Variants in BMP7 observed in about 807,000 individuals in gnomAD.
BMP7 encodes osteogenic protein 1.
BMP7 carries 12 observed loss-of-function variants against 41.2 expected under a neutral mutation model. That is an observed-to-expected ratio of 0.29 (90% confidence interval 0.19 to 0.47). The LOEUF is 0.47. Ranked by LOEUF, BMP7 falls within the 20% of genes least tolerant of loss-of-function variation. The pLI is 0.99. For missense variants in BMP7, 467 were observed against 606.0 expected, an observed-to-expected ratio of 0.77 and a Z score of 2.41; for synonymous variants, 248 against 250.0, an observed-to-expected ratio of 0.99 and a Z score of 0.07.
Position 57,233,926 on chromosome 20 carries a change from A to G in BMP7, c.419-5505T>C, listed in dbSNP as rs564924467. ...GCACAAAACTAAACGAACACAATAC[A>G]TTGTTACAAACACGAGAAAACAGAT... is the stretch of plus-strand genomic sequence containing the variant. On this transcript the variant is annotated intron_variant, in intron 1 of 6. Transcript: ENST00000395863. Among the ~76,000 whole-genome samples the G allele has an allele frequency of 2.6e-5, 4 of 152,338 alleles. No individual in the cohort carries two copies. In the South Asian group the frequency reaches 8.3e-4, roughly 32 times the overall value.
chr20:57,251,317 C>T (rs2066112613), intron 1 of BMP7, among the ~76,000 whole-genome samples: 1 of 152,126 alleles, frequency 6.6e-6, no homozygotes, highest in Non-Finnish European at 1.5e-5. Context: ...GGGGGCAGAG[C>T]GGTGGGGGCT....
In BMP7 at chr20:57,174,619, A is replaced by G. The variant is rs924527618; in HGVS notation, c.1035+312T>C. Among the ~76,000 whole-genome samples the G allele has an allele frequency of 1.3e-5, 2 of 152,150 alleles. No individual in the cohort carries two copies. On this transcript the variant is annotated intron_variant, in intron 5 of 6. Coordinates refer to ENST00000395863, the MANE Select transcript of BMP7 (RefSeq NM_001719.3). This position sits in a 1 kb window ranked among gnomAD's most constrained non-coding sequence, Gnocchi z 4.3. ...GATGGCTCCCCAGGTATCTACATTCAAACACACGGCCCGGCATCATCTTGA... is the reference window on the plus strand; with the variant it reads ...GATGGCTCCCCAGGTATCTACATTCGAACACACGGCCCGGCATCATCTTGA...
chr20:57,263,610 G>A (rs1216890920), intron 1 of BMP7, among the ~76,000 whole-genome samples: 4 of 152,150 alleles, frequency 2.6e-5, no homozygotes, highest in African/African-American at 9.7e-5. Context: ...GGCTCTGAAG[G>A]CAGCCACTGG....
Position 57,170,856 on chromosome 20 carries a change from G to A in BMP7, c.*103C>T. Reference sequence around the variant, plus strand: ...ACCTTTAAAGTTGGGGATAGGGAGGGGAAGGTCTCACAAAAGGCAGTTGGT... The same window carrying A: ...ACCTTTAAAGTTGGGGATAGGGAGGAGAAGGTCTCACAAAAGGCAGTTGGT... On this transcript the variant is annotated 3_prime_UTR_variant, in exon 7 of 7. Coordinates refer to ENST00000395863, the MANE Select transcript of BMP7 (RefSeq NM_001719.3). 7.0e-7 allele frequency: 1 copy of A among 1,429,706 alleles called. No individual in the cohort carries two copies. Among genetic ancestry groups the A allele is most frequent in the Non-Finnish European group, 9.6e-7 (1 of 1,037,906 alleles). 88.6% of individuals were successfully genotyped at this position (1,429,706 alleles called of 1,614,324 possible). A position where few individuals can be genotyped will look rare whatever the true frequency, so the allele number is the denominator to read the frequency against.
chr20:57,222,496 C>T (rs1239283172), intron 2 of BMP7, among the ~76,000 whole-genome samples: 2 of 151,942 alleles, frequency 1.3e-5, no homozygotes, highest in Non-Finnish European at 2.9e-5. Context: ...GGACCCCAAG[C>T]GGAACCAAAG....
intron 1 of BMP7, among the ~76,000 whole-genome samples, chr20:57,241,528 G>T (rs1243767934): frequency 1.3e-5 from 2 of 152,178 alleles, no homozygotes; most frequent in Admixed American, 1.3e-4. Context: ...TTCCTGAACT[G>T]CTTCAACTCT....
rs370740034 is a variant in BMP7, at chr20:57,191,276, C to T, written c.761-7357G>A. Among the ~76,000 whole-genome samples the T allele has an allele frequency of 1.2e-3, 186 of 152,232 alleles. 1 individual carries two copies. In the South Asian group the frequency reaches 0.03, roughly 24 times the overall value. ...CCTCGGGTACTGAGCCCAGCACTACCGTGTGCTCTGGGGTGCTCCAGAGGC... is the reference window on the plus strand; with the variant it reads ...CCTCGGGTACTGAGCCCAGCACTACTGTGTGCTCTGGGGTGCTCCAGAGGC... On this transcript the variant is annotated intron_variant, in intron 3 of 6. Transcript: ENST00000395863.
chr20:57,189,651 C>T lies in BMP7; in HGVS notation c.761-5732G>A, dbSNP rs78528568. On this transcript the variant is annotated intron_variant, in intron 3 of 6. Coordinates refer to ENST00000395863, the MANE Select transcript of BMP7 (RefSeq NM_001719.3). ...CACACACTGACCTTCTCCCTGGTGG[C>T]CACAGAGGAGCTTCCCATCTGGAAA... 7.1e-3 allele frequency among the ~76,000 whole-genome samples: 1,085 copies of T among 152,356 alleles called. 19 individuals carry two copies. The highest frequency in any genetic ancestry group is 0.025 in the African/African-American group (1,027 of 41,584).
At chr20:57,225,554 C>T (rs2066002509) in intron 2 of BMP7, among the ~76,000 whole-genome samples, 1 of 151,688 alleles carries the variant, frequency 6.6e-6, no homozygotes. Flanking sequence ...AAAACTGAGG[C>T]TCTGAGAGAT....
Position 57,215,324 on chromosome 20 carries a change from C to A in BMP7, c.612-12701G>T. ...TGTCCCCATCACCTCTTCGGAGCCA[C>A]CTCCTTTCCCCACATCAGGCAAAAA... On this transcript the variant is annotated intron_variant, in intron 2 of 6. Transcript: ENST00000395863. The surrounding 1 kb of genome is among the most constrained non-coding windows in gnomAD (Gnocchi z 4.2). 6.6e-6 allele frequency among the ~76,000 whole-genome samples: 1 copy of A among 152,238 alleles called. No homozygotes were observed. Among genetic ancestry groups the A allele is most frequent in the East Asian group, 1.9e-4 (1 of 5,198 alleles).
intron 1 of BMP7, among the ~76,000 whole-genome samples, chr20:57,250,530 C>G (rs1286509687): frequency 7.8e-6 from 1 of 127,616 alleles, no homozygotes; most frequent in African/African-American, 3.5e-5. Context: ...GTCACCCTGA[C>G]TCTGACTCAA....
At chr20:57,209,968 G>A (rs1984841047) in intron 2 of BMP7, among the ~76,000 whole-genome samples, 1 of 152,138 alleles carries the variant, frequency 6.6e-6, no homozygotes, top group South Asian at 2.1e-4. Flanking sequence ...TTCTTTCCTG[G>A]GTTTGGACAG....
intron 1 of BMP7, among the ~76,000 whole-genome samples, chr20:57,237,712 A>G (rs1407292643): frequency 6.6e-6 from 1 of 152,238 alleles, no homozygotes; most frequent in Non-Finnish European, 1.5e-5. Context: ...AGAATGCTCT[A>G]TGCCCAGAGA....
At position 57,209,249 on chromosome 20, in the gene BMP7, T is replaced by A. The variant is rs6025442; in HGVS notation, c.612-6626A>T. ...AACAAATACCTAGATTTATATATTTTTATATATATATATATATATATATAT... is the reference window on the plus strand; with the variant it reads ...AACAAATACCTAGATTTATATATTTATATATATATATATATATATATATAT... On this transcript the variant is annotated intron_variant, in intron 2 of 6. Transcript: ENST00000395863. Among the ~76,000 whole-genome samples the A allele has an allele frequency of 6.0e-3, 567 of 94,784 alleles. 5 individuals carry two copies. Among genetic ancestry groups the A allele is most frequent in the African/African-American group, 9.5e-3 (277 of 29,042 alleles). 62.2% of individuals were successfully genotyped at this position (94,784 alleles called of 152,430 possible). A position where few individuals can be genotyped will look rare whatever the true frequency, so the allele number is the denominator to read the frequency against.
intron 1 of BMP7, among the ~76,000 whole-genome samples, chr20:57,231,023 G>A (rs2066027533): frequency 6.6e-6 from 1 of 152,190 alleles, no homozygotes; most frequent in Non-Finnish European, 1.5e-5. Context: ...TGTAGCGTGT[G>A]TGTAAACCAA....
chr20:57,205,141 T>TTTTGTTTGTTTG (rs10627323), intron 2 of BMP7, among the ~76,000 whole-genome samples: 26 of 151,174 alleles, frequency 1.7e-4, no homozygotes, highest in African/African-American at 2.4e-4. Flanking sequence ...GGTATTTGTT[T>TTTTGTTTGTTTG]TTTGTTTGTT....
intron 1 of BMP7, among the ~76,000 whole-genome samples, chr20:57,240,368 T>A (rs2066064148): frequency 6.6e-6 from 1 of 152,220 alleles, no homozygotes; most frequent in Non-Finnish European, 1.5e-5. Context: ...TGAGACCACT[T>A]CAGCCTGGAT....
chr20:57,198,365 G>C (rs1160044891), intron 3 of BMP7, among the ~76,000 whole-genome samples: 3 of 152,096 alleles, frequency 2.0e-5, no homozygotes, highest in African/African-American at 7.2e-5. Flanking sequence ...AGCACAGCCT[G>C]GGGGCTGGAA....
At chr20:57,182,837 T>C (rs1485094199) in intron 4 of BMP7, among the ~76,000 whole-genome samples, 3 of 152,294 alleles carry the variant, frequency 2.0e-5, no homozygotes, top group Non-Finnish European at 2.9e-5. Flanking sequence ...TGTTAATGTT[T>C]GATTTGCTTG....
Sources: gnomAD v4.1 joint callset for allele counts (sites outside exome capture counted in the v4.1 genomes callset) on GRCh38, gnomAD v4.1.1 for gene constraint, Gnocchi (gnomAD v3.1) non-coding constraint, MANE v1.5 for transcripts, NCBI Gene and HGNC (gene_info 2026-07-23, HGNC 2026-07-21) for gene names.